Variants in ANOS1 observed in about 807,000 individuals in gnomAD.
The protein encoded by ANOS1 is anosmin-1.
Under a neutral mutation model 59.0 loss-of-function variants are expected in ANOS1, and 6 were observed. The ratio of observed to expected loss-of-function variants is 0.10; its 90% CI spans 0.06 to 0.20. The LOEUF (loss-of-function observed/expected upper bound fraction) is 0.20, where lower values mean the gene tolerates loss of function less well. Ranked by LOEUF, ANOS1 falls within the 10% of genes least tolerant of loss-of-function variation. The pLI is 1.00. For missense variants in ANOS1, 433 were observed against 542.3 expected (o/e 0.80, Z 2.00); for synonymous variants, 217 against 223.4 (o/e 0.97, Z 0.25).
intron 2 of ANOS1, among the ~76,000 whole-genome samples, chrX:8,667,141 C>T (rs1351102234): frequency 1.8e-5 from 2 of 111,732 alleles, no homozygotes; most frequent in African/African-American, 6.5e-5. Flanking sequence ...GTGCTCAGAG[C>T]TGCTGAAATT....
chrX:8,536,668 A>G (rs1929599135), intron 11 of ANOS1, 103 bp downstream of exon 11: 1 of 610,590 alleles, frequency 1.6e-6, no homozygotes. Flanking sequence ...AAAGAGAGGC[A>G]CTTTTGGTTT....
chrX:8,618,938 T>C (rs1931224170), intron 3 of ANOS1, among the ~76,000 whole-genome samples: 1 of 108,143 alleles, frequency 9.2e-6, no homozygotes, highest in Admixed American at 1.0e-4. Context: ...CTGGGAGTGG[T>C]GATGCATGTC....
chrX:8,552,495 A>C lies in ANOS1; in HGVS notation c.1354+1457T>G, dbSNP rs142286051. Among the ~76,000 whole-genome samples the C allele has an allele frequency of 9.8e-3, 1,096 of 112,248 alleles. 11 individuals carry two copies. Among genetic ancestry groups the C allele is most frequent in the African/African-American group, 0.034 (1,041 of 30,923 alleles). ...GACATCCAGGCAGCAATATAAATGA[A>C]TGAATTGTTTCATGCAACAGAATGC... is the stretch of plus-strand genomic sequence containing the variant. On this transcript the variant is annotated intron_variant, in intron 9 of 13. Coordinates refer to ENST00000262648, the MANE Select transcript of ANOS1 (RefSeq NM_000216.4).
intron 5 of ANOS1, among the ~76,000 whole-genome samples, chrX:8,585,915 C>A (rs1365524678): frequency 9.0e-6 from 1 of 111,641 alleles, no homozygotes; most frequent in Non-Finnish European, 1.9e-5. Flanking sequence ...AGAACCAGTC[C>A]TGATCTAAAA....
intron 2 of ANOS1, among the ~76,000 whole-genome samples, chrX:8,671,755 GAATT>G (rs1433382886): frequency 9.2e-5 from 10 of 108,853 alleles, no homozygotes; most frequent in Non-Finnish European, 1.3e-4. Context: ...CCAACGACAG[GAATT>G]AATTTGCTTT....
intron 2 of ANOS1, among the ~76,000 whole-genome samples, chrX:8,674,910 A>G (rs1245944683): frequency 9.0e-6 from 1 of 111,441 alleles, no homozygotes; most frequent in Non-Finnish European, 1.9e-5. Flanking sequence ...ACTGTAATAT[A>G]TAAATATATA....
chrX:8,570,641 C>T lies in ANOS1; in HGVS notation c.920G>A (p.Gly307Glu), dbSNP rs1429264623. 1 of 1,211,602 alleles carries T rather than the reference C, an allele frequency of 8.3e-7. No homozygotes were observed. Among genetic ancestry groups the T allele is most frequent in the Non-Finnish European group, 1.1e-6 (1 of 895,409 alleles). ...RLANSTVNSD[G>E]SVTVTIVWDL... ...CCAAACTATAGTGACGGTCACACTCCCATCACTGTTGACGGTGGAGTTGGC... is the reference window on the plus strand; with the variant it reads ...CCAAACTATAGTGACGGTCACACTCTCATCACTGTTGACGGTGGAGTTGGC... The change falls in exon 7 of 14, where the codon GGG (glycine) becomes GAG (glutamate). Residue 307 changes from glycine to glutamate, a missense_variant. By Grantham distance (98) the Gly-to-Glu change is moderately conservative. Coordinates refer to ENST00000262648, the MANE Select transcript of ANOS1 (RefSeq NM_000216.4).
chrX:8,604,952 A>T (rs1222853944), intron 3 of ANOS1, among the ~76,000 whole-genome samples: 1 of 112,832 alleles, frequency 8.9e-6, no homozygotes, highest in East Asian at 2.7e-4. Flanking sequence ...GTTAAAAAGG[A>T]TCCTTATTTT....
At chrX:8,682,871 CT>C (rs1932447152) in intron 2 of ANOS1, among the ~76,000 whole-genome samples, 1 of 111,317 alleles carries the variant, frequency 9.0e-6, no homozygotes, top group Non-Finnish European at 1.9e-5. Flanking sequence ...ATAAAGGATG[CT>C]GAAAAATGTG....
chrX:8,540,635 T>C (rs149249809), intron 9 of ANOS1, among the ~76,000 whole-genome samples: 2,406 of 109,083 alleles, frequency 0.022, 71 homozygotes, highest in African/African-American at 0.077. Flanking sequence ...TGGCACCAAA[T>C]GGCACCATTT....
At chrX:8,606,071 G>A (rs944623933) in intron 3 of ANOS1, among the ~76,000 whole-genome samples, 1 of 111,808 alleles carries the variant, frequency 8.9e-6, no homozygotes, top group African/African-American at 3.3e-5. Context: ...AAATGGGCTA[G>A]TACAATATTC....
chrX:8,662,100 A>T (rs1932047877), intron 2 of ANOS1, among the ~76,000 whole-genome samples: 1 of 111,757 alleles, frequency 8.9e-6, no homozygotes, highest in African/African-American at 3.3e-5. Flanking sequence ...GGCCTGAGGC[A>T]TCTGTAGTCC....
intron 2 of ANOS1, among the ~76,000 whole-genome samples, chrX:8,649,975 A>C (rs1227469347): frequency 8.8e-6 from 1 of 113,038 alleles, no homozygotes; most frequent in Non-Finnish European, 1.9e-5. Flanking sequence ...GTTAAACTAC[A>C]TAAGCTTGCA....
chrX:8,714,282 G>A (rs1030045716), intron 1 of ANOS1, among the ~76,000 whole-genome samples: 1 of 111,612 alleles, frequency 9.0e-6, no homozygotes, highest in African/African-American at 3.3e-5. Context: ...ATAGATGCTT[G>A]GCAGCTGCAA....
chrX:8,702,361 T>A (rs1237893905), intron 1 of ANOS1, among the ~76,000 whole-genome samples: 1 of 111,904 alleles, frequency 8.9e-6, no homozygotes, highest in Non-Finnish European at 1.9e-5. Context: ...AAACTGAAAT[T>A]TTATAAAGGG....
At chrX:8,590,457 T>G (rs947233400) in intron 4 of ANOS1, among the ~76,000 whole-genome samples, 1 of 111,391 alleles carries the variant, frequency 9.0e-6, no homozygotes, top group African/African-American at 3.3e-5. Flanking sequence ...CTGTGACACT[T>G]CCCCTAAACT....
chrX:8,573,101 C>A (rs1930261650), intron 6 of ANOS1, among the ~76,000 whole-genome samples: 1 of 103,427 alleles, frequency 9.7e-6, no homozygotes, highest in South Asian at 4.9e-4. Flanking sequence ...ACCCTGTCAC[C>A]CAGGCTGGAG....
At chrX:8,723,853 T>C (rs1466505910) in intron 1 of ANOS1, among the ~76,000 whole-genome samples, 1 of 111,593 alleles carries the variant, frequency 9.0e-6, no homozygotes, top group African/African-American at 3.3e-5. Flanking sequence ...CATGTAGTAC[T>C]GTCGTTAATG....
At position 8,535,573 on chromosome X, in the gene ANOS1, A is replaced by C. The variant is rs1237100525; in HGVS notation, c.1842+18T>G. ...TAGATACCAATGACACAGACATAGT[A>C]CAAGAGGTGGGACCTACGGAAGGCA... On this transcript the variant is annotated intron_variant, in intron 12 of 13. Coordinates refer to ENST00000262648, the MANE Select transcript of ANOS1 (RefSeq NM_000216.4). 8.7e-7 allele frequency: 1 copy of C among 1,147,756 alleles called. No individual in the cohort carries two copies. Among genetic ancestry groups the C allele is most frequent in the South Asian group, 1.8e-5 (1 of 55,304 alleles). The allele number at this position is 1,147,756 out of a possible 1,213,427, so 94.6% of individuals were successfully genotyped here. A position where few individuals can be genotyped will look rare whatever the true frequency, so the allele number is the denominator to read the frequency against.
Sources: allele counts gnomAD v4.1 joint callset (sites outside exome capture counted in the v4.1 genomes callset), GRCh38; gene constraint gnomAD v4.1.1; transcripts MANE v1.5; gene names NCBI Gene and HGNC (gene_info 2026-07-23, HGNC 2026-07-21).